The following PRKCI variants were observed in gnomAD, a reference collection of about 807,000 sequenced individuals.
PRKCI encodes the protein protein kinase C iota.
In PRKCI, 43 loss-of-function variants were observed where a neutral mutation model predicts 84.0. The observed-to-expected ratio is 0.51, with a 90% CI of 0.40 to 0.66. PRKCI has a LOEUF of 0.66. Ranked by LOEUF, PRKCI falls within the 30% of genes least tolerant of loss-of-function variation. The pLI, the probability that PRKCI is intolerant of heterozygous loss-of-function variation, is 0.00. For synonymous variants in PRKCI, 216 were observed against 234.4 expected, an observed-to-expected ratio of 0.92 and a Z score of 0.72; for missense variants, 459 against 745.6, an observed-to-expected ratio of 0.62 and a Z score of 4.48.
intron 3 of PRKCI, 52 bp downstream of exon 3, chr3:170,260,110 C>A: frequency 8.3e-7 from 1 of 1,202,126 alleles, no homozygotes; most frequent in Non-Finnish European, 1.2e-6. Flanking sequence ...TCTTTGAAAT[C>A]ACTCTTTATT....
At chr3:170,267,675 CA>C (rs1169448041) in intron 4 of PRKCI, among the ~76,000 whole-genome samples, 267 of 52,966 alleles carry the variant, frequency 5.0e-3, no homozygotes, top group Middle Eastern at 8.9e-3. Flanking sequence ...TCCATCTCAC[CA>C]AAAAAAAAAA....
At chr3:170,251,783 G>A (rs953846918) in intron 2 of PRKCI, among the ~76,000 whole-genome samples, 23 of 151,958 alleles carry the variant, frequency 1.5e-4, no homozygotes, top group Admixed American at 1.5e-3. Flanking sequence ...GGTGGTGGGC[G>A]CCTGTAGTCC....
intron 16 of PRKCI, 64 bp from the exon 17 acceptor site, chr3:170,298,931 A>G: frequency 9.8e-7 from 1 of 1,017,696 alleles, no homozygotes. Flanking sequence ...TGCAGAGGAG[A>G]ACTGTAGAGG....
intron 2 of PRKCI, among the ~76,000 whole-genome samples, chr3:170,256,339 G>T (rs1378872466): frequency 6.6e-6 from 1 of 152,038 alleles, no homozygotes; most frequent in African/African-American, 2.4e-5. Flanking sequence ...TTATGGCTTC[G>T]ATCTCATTAC....
At chr3:170,253,263 A>G (rs1309247144) in intron 2 of PRKCI, among the ~76,000 whole-genome samples, 1 of 152,172 alleles carries the variant, frequency 6.6e-6, no homozygotes, top group African/African-American at 2.4e-5. Context: ...AGAAATCTCT[A>G]TACTGTTCTC....
chr3:170,228,849 C>T (rs572765451), intron 1 of PRKCI, among the ~76,000 whole-genome samples: 7 of 151,972 alleles, frequency 4.6e-5, no homozygotes, highest in African/African-American at 1.2e-4. Flanking sequence ...TACCTGTACC[C>T]GATAGGTATT....
chr3:170,232,643 T>C (rs1732833174), intron 1 of PRKCI, among the ~76,000 whole-genome samples: 1 of 152,062 alleles, frequency 6.6e-6, no homozygotes, highest in African/African-American at 2.4e-5. Flanking sequence ...CATGGCTCAC[T>C]GCAGCCTTGA....
chr3:170,272,940 A>G (rs1734034843), intron 6 of PRKCI, among the ~76,000 whole-genome samples: 2 of 152,210 alleles, frequency 1.3e-5, no homozygotes, highest in African/African-American at 2.4e-5. Context: ...CAGCTAAAGA[A>G]TGCATATTCC....
intron 14 of PRKCI, among the ~76,000 whole-genome samples, chr3:170,295,699 A>G (rs1734671778): frequency 1.3e-5 from 2 of 150,494 alleles, no homozygotes; most frequent in African/African-American, 4.9e-5. Flanking sequence ...AAAAAAATTT[A>G]GCCGAGCGTG....
chr3:170,231,240 C>T lies in PRKCI; in HGVS notation c.102-3990C>T, dbSNP rs142701128. On this transcript the variant is annotated intron_variant, in intron 1 of 17. Coordinates refer to ENST00000295797, the MANE Select transcript of PRKCI (RefSeq NM_002740.6). ...CCTCCCGGAGTGTTGAGATTACAGG[C>T]TTGAGCCACCGTGCCCGGCCTATTC... is the stretch of plus-strand genomic sequence containing the variant. Among the ~76,000 whole-genome samples, 1,079 of 152,012 alleles carry T rather than the reference C, an allele frequency of 7.1e-3. 13 individuals are homozygous for T. The highest frequency in any genetic ancestry group is 0.024 in the African/African-American group (1,014 of 41,482).
At chr3:170,247,153 C>A (rs1247597681) in intron 2 of PRKCI, among the ~76,000 whole-genome samples, 2 of 151,886 alleles carry the variant, frequency 1.3e-5, no homozygotes, top group Admixed American at 1.3e-4. Context: ...CCTTGACCTC[C>A]CAGGCTCAAG....
At chr3:170,259,909 T>C (rs1421160061) in intron 2 of PRKCI, 60 bp from the exon 3 acceptor site, 2 of 901,984 alleles carry the variant, frequency 2.2e-6, no homozygotes, top group Non-Finnish European at 3.3e-6. Flanking sequence ...GAAATTTGTT[T>C]AGTAATCATC....
chr3:170,257,694 C>T (rs1219300550), intron 2 of PRKCI, among the ~76,000 whole-genome samples: 3 of 145,954 alleles, frequency 2.1e-5, no homozygotes, highest in Admixed American at 1.4e-4. Context: ...GACAAAGTCT[C>T]GCTCTTGTTG....
intron 7 of PRKCI, 123 bp from the exon 8 acceptor site, chr3:170,275,106 C>T (rs1223694586): frequency 5.9e-6 from 7 of 1,188,672 alleles, no homozygotes; most frequent in Non-Finnish European, 7.8e-6. Context: ...AAAATTTATT[C>T]AGAAGTAAAA....
At chr3:170,275,185 ACC>A in intron 7 of PRKCI, 42 bp from the exon 8 acceptor site, 1 of 1,295,336 alleles carries the variant, frequency 7.7e-7, no homozygotes, top group Non-Finnish European at 1.0e-6. Flanking sequence ...TTTCTCCTGC[ACC>A]TTTTTTTTTT....
chr3:170,255,411 C>T (rs553352326), intron 2 of PRKCI, among the ~76,000 whole-genome samples: 1 of 152,106 alleles, frequency 6.6e-6, no homozygotes, highest in African/African-American at 2.4e-5. Flanking sequence ...TTTTTATTTG[C>T]AGTTACTGTA....
chr3:170,234,031 C>CTTT (rs386398519), intron 1 of PRKCI, among the ~76,000 whole-genome samples: 42,080 of 93,214 alleles, frequency 0.45, 11,484 homozygotes, highest in South Asian at 0.62. Flanking sequence ...TATACTTACA[C>CTTT]TTTTTTTTTT....
intron 7 of PRKCI, among the ~76,000 whole-genome samples, chr3:170,274,510 A>G (rs1734069431): frequency 6.6e-6 from 1 of 152,206 alleles, no homozygotes; most frequent in Admixed American, 6.5e-5. Flanking sequence ...GCAATATAGG[A>G]AATTCCAGGA....
chr3:170,300,540 G>A (rs1304561386), intron 17 of PRKCI, among the ~76,000 whole-genome samples: 2 of 147,798 alleles, frequency 1.4e-5, no homozygotes, highest in Non-Finnish European at 3.0e-5. Context: ...GCCCCTCTTT[G>A]AACAACCACG....
Sources: gnomAD v4.1 joint callset for allele counts (sites outside exome capture counted in the v4.1 genomes callset) on GRCh38, gnomAD v4.1.1 for gene constraint, MANE v1.5 for transcripts, NCBI Gene and HGNC (gene_info 2026-07-23, HGNC 2026-07-21) for gene names.